The following RCSD1 variants were observed in gnomAD, a reference collection of about 807,000 sequenced individuals.
RCSD1 encodes the protein capZ-interacting protein.
RCSD1 carries 26 observed loss-of-function variants against 42.5 expected under a neutral mutation model. The observed-to-expected ratio is 0.61, with a 90% CI of 0.45 to 0.85. The LOEUF is 0.85. Among genes scored for constraint, RCSD1 ranks in the 40% least tolerant of loss-of-function variants. The pLI is 0.00. For missense variants in RCSD1, 571 were observed against 528.3 expected, an observed-to-expected ratio of 1.08 and a Z score of -0.79; for synonymous variants, 220 against 212.2, an observed-to-expected ratio of 1.04 and a Z score of -0.32.
chr1:167,659,200 T>A (rs1658490474), intron 1 of RCSD1, among the ~76,000 whole-genome samples: 1 of 152,222 alleles, frequency 6.6e-6, no homozygotes, highest in Non-Finnish European at 1.5e-5. Flanking sequence ...ATTGGCGTTT[T>A]GAATTTGCTT....
At chr1:167,675,207 GAAAAAAAAAAAAA>G (rs34426324) in intron 1 of RCSD1, among the ~76,000 whole-genome samples, 1 of 49,148 alleles carries the variant, frequency 2.0e-5, no homozygotes, top group East Asian at 5.8e-4. Context: ...CTCCATCTCG[GAAAAAAAAAAAAA>G]AAAAAAAAAA....
chr1:167,671,069 A>C (rs1202202088), intron 1 of RCSD1, among the ~76,000 whole-genome samples: 3 of 152,048 alleles, frequency 2.0e-5, no homozygotes, highest in South Asian at 2.1e-4. Context: ...CTGAATCCCT[A>C]TTCTCCGTTT....
At chr1:167,675,914 T>A (rs1246243232) in intron 1 of RCSD1, among the ~76,000 whole-genome samples, 2 of 152,088 alleles carry the variant, frequency 1.3e-5, no homozygotes, top group East Asian at 3.9e-4. Flanking sequence ...CAAGATGGGA[T>A]GGAAGGACAG....
chr1:167,689,611 AGTCATACCTCT>A (rs1659325841), intron 3 of RCSD1, among the ~76,000 whole-genome samples: 1 of 152,174 alleles, frequency 6.6e-6, no homozygotes, highest in Admixed American at 6.5e-5. Flanking sequence ...GAGGAATTCC[AGTCATACCTCT>A]GTCATCCTGG....
intron 1 of RCSD1, among the ~76,000 whole-genome samples, chr1:167,655,433 T>C (rs1658402610): frequency 6.6e-6 from 1 of 152,244 alleles, no homozygotes; most frequent in East Asian, 1.9e-4. Flanking sequence ...TCCTGCTGTC[T>C]ACAGGTGTTT....
rs1471601481 is a variant in RCSD1, at chr1:167,640,989, G to C, written c.6+10560G>C. On this transcript the variant is annotated intron_variant, in intron 1 of 6. Transcript: ENST00000367854. ...TTAAGCTATATTATAACCACCCCCC[G>C]AGCCCCCACTAGTGCCTTGGGTGCA... Among the ~76,000 whole-genome samples, 5 of 152,078 alleles carry C rather than the reference G, an allele frequency of 3.3e-5. No homozygotes were observed. In the East Asian group the frequency reaches 9.6e-4, roughly 29 times the overall value.
intron 1 of RCSD1, among the ~76,000 whole-genome samples, chr1:167,668,217 G>A (rs905991134): frequency 3.3e-5 from 5 of 151,866 alleles, no homozygotes; most frequent in Non-Finnish European, 5.9e-5. Context: ...CCTGGCAGGC[G>A]GAGGTTGCAG....
intron 1 of RCSD1, among the ~76,000 whole-genome samples, chr1:167,675,807 C>T (rs773928084): frequency 3.3e-5 from 5 of 152,162 alleles, no homozygotes; most frequent in East Asian, 1.9e-4. Context: ...CCACCAAAAT[C>T]GCTGAGTCCA....
chr1:167,637,730 C>CCACACACACACA (rs66925392), intron 1 of RCSD1, among the ~76,000 whole-genome samples: 15 of 146,834 alleles, frequency 1.0e-4, no homozygotes, highest in African/African-American at 3.5e-4. Flanking sequence ...TAGGAATAGA[C>CCACACACACACA]CACACACACA....
intron 5 of RCSD1, among the ~76,000 whole-genome samples, chr1:167,696,386 T>C (rs1161112658): frequency 2.6e-5 from 4 of 152,000 alleles, no homozygotes; most frequent in Non-Finnish European, 5.9e-5. Context: ...ATGAGGAAAC[T>C]TGTAAGATGG....
intron 1 of RCSD1, among the ~76,000 whole-genome samples, chr1:167,651,410 C>T (rs192195472): frequency 0.014 from 2,101 of 152,322 alleles, 23 homozygotes; most frequent in Non-Finnish European, 0.023. Flanking sequence ...CTGCCCTGGG[C>T]CACATCCTAG....
chr1:167,657,320 C>A (rs955951837), intron 1 of RCSD1, among the ~76,000 whole-genome samples: 1 of 152,156 alleles, frequency 6.6e-6, no homozygotes, highest in Non-Finnish European at 1.5e-5. Context: ...AAGAAAATCA[C>A]CTATGTTCCC....
intron 1 of RCSD1, among the ~76,000 whole-genome samples, chr1:167,644,307 C>G (rs1244554993): frequency 6.6e-6 from 1 of 152,064 alleles, no homozygotes; most frequent in Admixed American, 6.6e-5. Flanking sequence ...TGGAGAAACC[C>G]TTTCTCTACT....
chr1:167,683,210 G>T (rs965183427), intron 1 of RCSD1, among the ~76,000 whole-genome samples: 1 of 152,182 alleles, frequency 6.6e-6, no homozygotes, highest in African/African-American at 2.4e-5. Context: ...TTTGCAATGA[G>T]CCAGGCCTTG....
chr1:167,671,171 C>T (rs1292912730), intron 1 of RCSD1, among the ~76,000 whole-genome samples: 1 of 152,188 alleles, frequency 6.6e-6, no homozygotes, highest in Non-Finnish European at 1.5e-5. Context: ...CATTAATAGC[C>T]ACTGAGTAGT....
At chr1:167,699,183 T>G (rs1442666033) in intron 6 of RCSD1, among the ~76,000 whole-genome samples, 1 of 152,222 alleles carries the variant, frequency 6.6e-6, no homozygotes, top group African/African-American at 2.4e-5. Context: ...GCAGGTTTGG[T>G]TTGTTTTTTA....
At chr1:167,693,035 T>C (rs1659412692) in intron 4 of RCSD1, among the ~76,000 whole-genome samples, 1 of 152,188 alleles carries the variant, frequency 6.6e-6, no homozygotes, top group South Asian at 2.1e-4. Flanking sequence ...GCTGTTGGAC[T>C]TGCTGAAGGC....
intron 1 of RCSD1, among the ~76,000 whole-genome samples, chr1:167,676,140 A>C (rs145073836): frequency 2.0e-5 from 3 of 152,350 alleles, no homozygotes; most frequent in Non-Finnish European, 4.4e-5. Context: ...TTTTACAGAT[A>C]GGCAATCTGA....
chr1:167,640,981 C>T (rs1229386), intron 1 of RCSD1, among the ~76,000 whole-genome samples: 10,653 of 152,174 alleles, frequency 0.07, 385 homozygotes, highest in South Asian at 0.083. Flanking sequence ...ATATTATAAC[C>T]ACCCCCCGAG....
Sources: gnomAD v4.1 joint callset for allele counts (sites outside exome capture counted in the v4.1 genomes callset) on GRCh38, gnomAD v4.1.1 for gene constraint, MANE v1.5 for transcripts, NCBI Gene and HGNC (gene_info 2026-07-23, HGNC 2026-07-21) for gene names.